Variants in KLF12 observed in about 807,000 individuals in gnomAD.
KLF12 encodes Krueppel-like factor 12.
A neutral mutation model predicts 37.8 loss-of-function variants in KLF12; 9 were observed. That is an observed-to-expected ratio of 0.24 (90% CI 0.14 to 0.42). The LOEUF is 0.42. Among genes scored for constraint, KLF12 ranks in the 10% least tolerant of loss-of-function variants. The probability of loss-of-function intolerance (pLI) is 1.00; values close to 1 mark genes in which losing one functional copy is unlikely to be tolerated. For missense variants in KLF12, 411 were observed against 516.0 expected, an observed-to-expected ratio of 0.80 and a Z score of 1.97; for synonymous variants, 208 against 202.1, an observed-to-expected ratio of 1.03 and a Z score of -0.25.
intron 7 of KLF12, among the ~76,000 whole-genome samples, chr13:73,702,031 A>C (rs545610652): frequency 3.8e-4 from 58 of 152,230 alleles, no homozygotes; most frequent in East Asian, 9.7e-4. Context: ...CACACACAAA[A>C]AAAGGGTGGG....
intron 6 of KLF12, among the ~76,000 whole-genome samples, chr13:73,758,100 A>G (rs532599854): frequency 6.6e-6 from 1 of 151,808 alleles, no homozygotes; most frequent in African/African-American, 2.4e-5. Flanking sequence ...TGGTCTTGCT[A>G]TGTTGCCTGG....
intron 6 of KLF12, 60 bp from the exon 7 acceptor site, chr13:73,715,585 G>A: frequency 1.3e-6 from 2 of 1,543,504 alleles, no homozygotes; most frequent in Non-Finnish European, 1.8e-6. Context: ...TTTGGTTCTG[G>A]TGGCATGGGA....
intron 1 of KLF12, among the ~76,000 whole-genome samples, chr13:74,089,180 C>A (rs1362043024): frequency 6.6e-6 from 1 of 152,092 alleles, no homozygotes; most frequent in East Asian, 1.9e-4. Context: ...GTAAATGAGT[C>A]CTATAAACAC....
intron 2 of KLF12, among the ~76,000 whole-genome samples, chr13:73,972,369 A>G (rs2138113711): frequency 6.6e-6 from 1 of 152,144 alleles, no homozygotes; most frequent in East Asian, 1.9e-4. Context: ...CCTATAACTA[A>G]TTCAATTAAT....
chr13:73,989,531 A>G (rs1352441568), intron 2 of KLF12, among the ~76,000 whole-genome samples: 2 of 152,192 alleles, frequency 1.3e-5, no homozygotes, highest in African/African-American at 4.8e-5. Flanking sequence ...TGGCAGAAGG[A>G]AGGAAGACAG....
chr13:74,051,037 G>C (rs1872888608), intron 1 of KLF12, among the ~76,000 whole-genome samples: 1 of 152,106 alleles, frequency 6.6e-6, no homozygotes, highest in Non-Finnish European at 1.5e-5. Flanking sequence ...CAAATAACAA[G>C]TGTTGGTGAG....
Position 73,864,975 on chromosome 13 carries a change from A to G in KLF12, c.124-18602T>C, listed in dbSNP as rs1886100615. Among the ~76,000 whole-genome samples the G allele has an allele frequency of 3.9e-5, 6 of 152,144 alleles. 1 individual carries two copies. Among genetic ancestry groups the G allele is most frequent in the Admixed American group, 3.9e-4 (6 of 15,282 alleles). ...GCTTCAATTGTCCAAGTACAGGTATAAGGAAGTCTGACAGAAAATATATGA... is the reference window on the plus strand; with the variant it reads ...GCTTCAATTGTCCAAGTACAGGTATGAGGAAGTCTGACAGAAAATATATGA... On this transcript the variant is annotated intron_variant, in intron 3 of 7. Coordinates refer to ENST00000377669, the MANE Select transcript of KLF12 (RefSeq NM_007249.5).
intron 1 of KLF12, among the ~76,000 whole-genome samples, chr13:74,126,301 A>G (rs1877938340): frequency 6.6e-6 from 1 of 152,214 alleles, no homozygotes; most frequent in Non-Finnish European, 1.5e-5. Context: ...TTTTCTCCTG[A>G]AAGCATACAA....
At chr13:74,129,383 G>C (rs1290647764) in intron 1 of KLF12, among the ~76,000 whole-genome samples, 1 of 152,164 alleles carries the variant, frequency 6.6e-6, no homozygotes, top group Non-Finnish European at 1.5e-5. Context: ...GAATTACTGT[G>C]AAAGGCCATA....
At chr13:73,831,255 C>T (rs1884141010) in intron 4 of KLF12, among the ~76,000 whole-genome samples, 1 of 152,110 alleles carries the variant, frequency 6.6e-6, no homozygotes, top group African/African-American at 2.4e-5. Flanking sequence ...ATTCAAGGCT[C>T]TACCACTCTT....
chr13:73,998,371 T>G (rs2138290685), intron 1 of KLF12, among the ~76,000 whole-genome samples: 1 of 152,340 alleles, frequency 6.6e-6, no homozygotes, highest in African/African-American at 2.4e-5. Context: ...TTTATGTATC[T>G]TTAAATAGAG....
At chr13:74,106,988 G>C (rs1265666796) in intron 1 of KLF12, among the ~76,000 whole-genome samples, 1 of 152,106 alleles carries the variant, frequency 6.6e-6, no homozygotes, top group Non-Finnish European at 1.5e-5. Flanking sequence ...ATAAACAACA[G>C]AAGTTTATTT....
At chr13:73,798,526 A>G (rs1399368960) in intron 5 of KLF12, among the ~76,000 whole-genome samples, 5 of 152,224 alleles carry the variant, frequency 3.3e-5, no homozygotes, top group Non-Finnish European at 4.4e-5. Context: ...ACATCTGACG[A>G]AAGTCTAATA....
chr13:73,779,780 A>G (rs1448284360), intron 5 of KLF12, among the ~76,000 whole-genome samples: 2 of 152,238 alleles, frequency 1.3e-5, no homozygotes, highest in Non-Finnish European at 2.9e-5. Context: ...TGCTAACTGC[A>G]TAGCTAGCAT....
chr13:74,092,395 G>A (rs1251499252), intron 1 of KLF12, among the ~76,000 whole-genome samples: 7 of 151,706 alleles, frequency 4.6e-5, no homozygotes, highest in Admixed American at 3.3e-4. Context: ...AGGCCAAGGC[G>A]GGCAGATCAC....
intron 1 of KLF12, among the ~76,000 whole-genome samples, chr13:74,044,545 TA>T (rs1375495629): frequency 1.3e-5 from 2 of 151,948 alleles, no homozygotes; most frequent in Admixed American, 6.6e-5. Flanking sequence ...AAAAGTCAAC[TA>T]AAAGAGTTAC....
chr13:74,126,119 TATAAC>T (rs1284095169), intron 1 of KLF12, among the ~76,000 whole-genome samples: 1 of 152,246 alleles, frequency 6.6e-6, no homozygotes, highest in Admixed American at 6.5e-5. Context: ...TTACATGTCA[TATAAC>T]ATATACTATA....
At chr13:74,053,326 T>A (rs1468828684) in intron 1 of KLF12, among the ~76,000 whole-genome samples, 1 of 152,222 alleles carries the variant, frequency 6.6e-6, no homozygotes, top group East Asian at 1.9e-4. Flanking sequence ...TCACCTTTCA[T>A]TAAACTATAA....
At chr13:74,226,916 C>T in the KLF12 span, among the ~76,000 whole-genome samples, 3 of 151,992 alleles carry the variant, frequency 2.0e-5, no homozygotes, top group African/African-American at 7.2e-5. Flanking sequence ...CCCAGTGTAC[C>T]CACAGTCCCA....
Sources: allele counts gnomAD v4.1 joint callset (sites outside exome capture counted in the v4.1 genomes callset), GRCh38; gene constraint gnomAD v4.1.1; transcripts MANE v1.5; gene names NCBI Gene and HGNC (gene_info 2026-07-23, HGNC 2026-07-21).